DOCK5: variants seen among roughly 807,000 people sequenced by gnomAD.
The protein encoded by DOCK5 is dedicator of cytokinesis 5, also known as dedicator of cytokinesis protein 5.
DOCK5 carries 142 observed loss-of-function variants against 251.8 expected under a neutral mutation model. The ratio of observed to expected loss-of-function variants is 0.56; its 90% CI spans 0.49 to 0.65. The LOEUF is 0.65. Ranked by LOEUF, DOCK5 falls within the 30% of genes least tolerant of loss-of-function variation. The pLI is 0.00. For missense variants in DOCK5, 2,111 were observed against 2,312.3 expected, an observed-to-expected ratio of 0.91 and a Z score of 1.79; for synonymous variants, 842 against 835.5, an observed-to-expected ratio of 1.01 and a Z score of -0.13.
intron 1 of DOCK5, among the ~76,000 whole-genome samples, chr8:25,239,204 G>A (rs1459186149): frequency 1.3e-5 from 2 of 152,124 alleles, no homozygotes; most frequent in African/African-American, 2.4e-5. Flanking sequence ...CTGGAATTTC[G>A]CAGATAGTGG....
intron 11 of DOCK5, among the ~76,000 whole-genome samples, chr8:25,305,869 T>A (rs551325895): frequency 7.6e-4 from 116 of 152,328 alleles, no homozygotes; most frequent in African/African-American, 2.6e-3. Flanking sequence ...AGTGATTATT[T>A]CTGTTGATGT....
intron 1 of DOCK5, among the ~76,000 whole-genome samples, chr8:25,229,078 A>G (rs1802603541): frequency 6.6e-6 from 1 of 152,118 alleles, no homozygotes; most frequent in South Asian, 2.1e-4. Flanking sequence ...CAAAAAAAAA[A>G]AAAAAAAATT....
At chr8:25,409,295 T>C (rs112736464) in intron 50 of DOCK5, 67 of 263,900 alleles carry the variant, frequency 2.5e-4, no homozygotes, top group African/African-American at 1.3e-3. Flanking sequence ...ATCTACTGCT[T>C]ATAGTCTGGC....
rs1338536604 is a variant in DOCK5 at position 25,210,901 on chromosome 8, G to C, written c.43+25950G>C. Among the ~76,000 whole-genome samples the C allele has an allele frequency of 8.7e-5, 6 of 68,714 alleles. 2 individuals are homozygous for C. Among genetic ancestry groups the C allele is most frequent in the African/African-American group, 2.0e-4 (6 of 30,322 alleles). 45.1% of individuals were successfully genotyped at this position (68,714 alleles called of 152,430 possible). ...GGGGAGGGGGAAGGGAGGAGGGAGA[G>C]GTGGGAGACAGGTTGAGAGACTGGC... On this transcript the variant is annotated intron_variant, in intron 1 of 51. Transcript: ENST00000276440.
At chr8:25,241,845 C>T (rs1586257312) in intron 1 of DOCK5, among the ~76,000 whole-genome samples, 1 of 152,222 alleles carries the variant, frequency 6.6e-6, no homozygotes, top group East Asian at 1.9e-4. Flanking sequence ...GAGTTCATGT[C>T]CTTTGCAGGG....
chr8:25,382,556 C>T (rs1801086273), intron 39 of DOCK5, 118 bp from the exon 40 acceptor site: 2 of 813,942 alleles, frequency 2.5e-6, no homozygotes, highest in Middle Eastern at 2.3e-4. Flanking sequence ...AGGGTGTTTT[C>T]CAAAGACCTT....
At chr8:25,195,251 C>CTTTTTTTT (rs59704416) in intron 1 of DOCK5, among the ~76,000 whole-genome samples, 2 of 106,232 alleles carry the variant, frequency 1.9e-5, no homozygotes. Context: ...CTCCTTATCA[C>CTTTTTTTT]TTTTTTTTTT....
In DOCK5 at chr8:25,239,341, A is replaced by ATGTGTG. The variant is rs55869213; in HGVS notation, c.44-4309_44-4304dup. Among the ~76,000 whole-genome samples, 1,321 of 142,260 alleles carry ATGTGTG rather than the reference A, an allele frequency of 9.3e-3. 16 individuals carry two copies. The highest frequency in any genetic ancestry group is 0.026 in the African/African-American group (970 of 36,780). 93.3% of individuals were successfully genotyped at this position (142,260 alleles called of 152,430 possible). On this transcript the variant is annotated intron_variant, in intron 1 of 51. Coordinates refer to ENST00000276440, the MANE Select transcript of DOCK5 (RefSeq NM_024940.8). The stretch of plus-strand genomic sequence containing the variant: ...TATATGTGTGTGTGTGTGTGTGTGT[A>ATGTGTG]TGTGTGTGTGTGTGTGTGTGTGTGT...
intron 2 of DOCK5, among the ~76,000 whole-genome samples, chr8:25,255,194 C>T (rs1803389331): frequency 1.3e-5 from 2 of 152,202 alleles, no homozygotes; most frequent in Admixed American, 1.3e-4. Context: ...GCAGCAATTT[C>T]TGTCCTTGGT....
At chr8:25,373,742 C>A in intron 36 of DOCK5, 84 bp downstream of exon 36, 2 of 1,349,574 alleles carry the variant, frequency 1.5e-6, no homozygotes, top group Non-Finnish European at 2.0e-6. Context: ...ACTTTCCCAA[C>A]ACCGTGTTTG....
intron 2 of DOCK5, 61 bp downstream of exon 2, chr8:25,243,818 TA>T (rs1803024298): frequency 6.7e-7 from 1 of 1,502,146 alleles, no homozygotes; most frequent in Non-Finnish European, 9.2e-7. Flanking sequence ...AGTTACTTAT[TA>T]AAAAGGCACT....
At chr8:25,237,818 G>C (rs750266720) in intron 1 of DOCK5, among the ~76,000 whole-genome samples, 1 of 152,118 alleles carries the variant, frequency 6.6e-6, no homozygotes, top group Non-Finnish European at 1.5e-5. Context: ...TCATTACCCC[G>C]TGAATCAGAA....
chr8:25,389,001 G>A lies in DOCK5; in HGVS notation c.4132-90G>A, dbSNP rs183052069. The A allele has an allele frequency of 6.8e-5, 86 of 1,258,198 alleles. No individual in the cohort carries two copies. The East Asian group carries it at 2.0e-3, about 30-fold the overall frequency. 77.9% of individuals were successfully genotyped at this position (1,258,198 alleles called of 1,614,324 possible). A position where few individuals can be genotyped will look rare whatever the true frequency, so the allele number is the denominator to read the frequency against. ...ATGGTGGGGATTGAACGTTGGCTGG[G>A]GAGTGCAGTGGCTACCTCAGTACCC... On this transcript the variant is annotated intron_variant, in intron 40 of 51. Transcript: ENST00000276440.
At chr8:25,372,918 G>A (rs910001473) in intron 35 of DOCK5, among the ~76,000 whole-genome samples, 200 bp downstream of exon 35, 4 of 152,048 alleles carry the variant, frequency 2.6e-5, no homozygotes, top group Non-Finnish European at 5.9e-5. Context: ...TAAATTTGGT[G>A]TGTTTTTGAT....
At chr8:25,233,454 T>G (rs1021039201) in intron 1 of DOCK5, among the ~76,000 whole-genome samples, 3 of 152,226 alleles carry the variant, frequency 2.0e-5, no homozygotes, top group Admixed American at 2.0e-4. Flanking sequence ...GTTAACCTTT[T>G]TGATTGTGTA....
Position 25,184,784 on chromosome 8 carries a change from C to A in DOCK5, c.-125C>A. The A allele has an allele frequency of 1.1e-6, 1 of 931,682 alleles. No individual in the cohort carries two copies. The highest frequency in any genetic ancestry group is 1.4e-6 in the Non-Finnish European group (1 of 718,114). 57.7% of individuals were successfully genotyped at this position (931,682 alleles called of 1,614,324 possible). ...GCGGCGAGGAGGCGGCCCGCGGAGT[C>A]CAGCGAAGTTTGGCGGAACATGGCG... On this transcript the variant is annotated 5_prime_UTR_variant, in exon 1 of 52. Coordinates refer to ENST00000276440, the MANE Select transcript of DOCK5 (RefSeq NM_024940.8).
At chr8:25,371,363 G>A (rs916267610) in intron 34 of DOCK5, among the ~76,000 whole-genome samples, 5 of 152,142 alleles carry the variant, frequency 3.3e-5, no homozygotes, top group Non-Finnish European at 7.3e-5. Context: ...AGCTACTTGG[G>A]AGGCTGAAGC....
intron 11 of DOCK5, chr8:25,304,608 G>A (rs552911964): frequency 7.9e-5 from 27 of 340,512 alleles, no homozygotes; most frequent in African/African-American, 4.4e-4. Context: ...AGAGGGTGCC[G>A]TCCTTGTGTC....
chr8:25,326,538 A>T (rs1286137215), intron 18 of DOCK5, among the ~76,000 whole-genome samples: 1 of 152,188 alleles, frequency 6.6e-6, no homozygotes, highest in East Asian at 1.9e-4. Flanking sequence ...ACCAAAAATG[A>T]AGCCAGAAAC....
Sources: gnomAD v4.1 joint callset for allele counts (sites outside exome capture counted in the v4.1 genomes callset) on GRCh38, gnomAD v4.1.1 for gene constraint, MANE v1.5 for transcripts, NCBI Gene and HGNC (gene_info 2026-07-23, HGNC 2026-07-21) for gene names.